Variants in GAS7 observed in about 807,000 individuals in gnomAD.
GAS7 encodes the protein growth arrest-specific protein 7.
In GAS7, 28 loss-of-function variants were observed where a neutral mutation model predicts 71.1. The ratio of observed to expected loss-of-function variants is 0.39; its 90% CI spans 0.29 to 0.54. The LOEUF is 0.54. GAS7 is among the 20% of genes least tolerant of loss of function. The pLI is 0.62. For missense variants in GAS7, 436 were observed against 627.8 expected (o/e 0.69, Z 3.27); for synonymous variants, 258 against 245.8 (o/e 1.05, Z -0.46).
At chr17:10,183,700 G>A (rs57004156) in intron 1 of GAS7, among the ~76,000 whole-genome samples, 9,491 of 152,242 alleles carry the variant, frequency 0.062, 505 homozygotes, top group East Asian at 0.18. Context: ...AAATTAGCCG[G>A]GCGTGGTGGC....
chr17:9,941,875 A>C (rs561134048), intron 7 of GAS7, among the ~76,000 whole-genome samples: 1 of 152,288 alleles, frequency 6.6e-6, no homozygotes, highest in African/African-American at 2.4e-5. Context: ...ATCCGATCTC[A>C]TATGAAAATA....
rs557602988 is a variant in GAS7, at chr17:9,969,877, G to A, written c.386-115C>T. The A allele has an allele frequency of 9.7e-4, 683 of 701,028 alleles. 2 individuals are homozygous for A. The highest frequency in any genetic ancestry group is 5.3e-3 in the Middle Eastern group (16 of 2,994). The allele number at this position is 701,028 out of a possible 1,614,324, so 43.4% of individuals were successfully genotyped here. ...CTTCCTTGGCTCTGAGAGGTCTTGCGTGGCGAAGACCATCCCTCAGGATCT... is the reference window on the plus strand; with the variant it reads ...CTTCCTTGGCTCTGAGAGGTCTTGCATGGCGAAGACCATCCCTCAGGATCT... On this transcript the variant is annotated intron_variant, in intron 3 of 13. Coordinates refer to ENST00000432992, the MANE Select transcript of GAS7 (RefSeq NM_201433.2). The surrounding 1 kb of genome is among the most constrained non-coding windows in gnomAD (Gnocchi z 5.5).
At chr17:9,934,358 G>A (rs1040377373) in intron 8 of GAS7, 114 bp from the exon 9 acceptor site, 5 of 711,148 alleles carry the variant, frequency 7.0e-6, no homozygotes, top group African/African-American at 3.5e-5. Flanking sequence ...GAATGTGGAC[G>A]CGGATGAGGC....
chr17:10,182,013 A>T (rs2074420489), intron 1 of GAS7, among the ~76,000 whole-genome samples: 1 of 152,168 alleles, frequency 6.6e-6, no homozygotes, highest in African/African-American at 2.4e-5. Context: ...AGGGGAAGGA[A>T]CCCTCAGTTC....
intron 3 of GAS7, among the ~76,000 whole-genome samples, chr17:9,977,914 A>C (rs1009102559): frequency 6.6e-6 from 1 of 152,226 alleles, no homozygotes; most frequent in African/African-American, 2.4e-5. Context: ...ACAAAGCTAC[A>C]ACACAAAAGT....
chr17:10,193,260 C>CAAA lies in GAS7; in HGVS notation c.183+4945_183+4947dup, dbSNP rs57261260. Among the ~76,000 whole-genome samples the CAAA allele has an allele frequency of 3.4e-3, 386 of 113,360 alleles. 14 individuals are homozygous for CAAA. Among genetic ancestry groups the CAAA allele is most frequent in the East Asian group, 5.2e-3 (19 of 3,662 alleles). The allele number at this position is 113,360 out of a possible 152,430, so 74.4% of individuals were successfully genotyped here. On this transcript the variant is annotated intron_variant, in intron 1 of 13. Transcript: ENST00000432992. The stretch of plus-strand genomic sequence containing the variant: ...GCCTTTAGAAAGAAACCTCTAGAGT[C>CAAA]AAAAAAAAAAAAAAAAAACCCTCCA...
chr17:10,136,777 T>C (rs2074041800), intron 1 of GAS7, among the ~76,000 whole-genome samples: 1 of 152,058 alleles, frequency 6.6e-6, no homozygotes, highest in Non-Finnish European at 1.5e-5. Context: ...AAAAAAACAG[T>C]GGGAGGGACA....
Position 9,919,505 on chromosome 17 carries a change from A to T in GAS7, c.1218+121T>A. 1 of 778,738 alleles carries T rather than the reference A, an allele frequency of 1.3e-6. No individual in the cohort carries two copies. The highest frequency in any genetic ancestry group is 2.3e-6 in the Non-Finnish European group (1 of 428,806). The allele number at this position is 778,738 out of a possible 1,614,324, so 48.2% of individuals were successfully genotyped here. On this transcript the variant is annotated intron_variant, in intron 12 of 13. Transcript: ENST00000432992. This position sits in a 1 kb window ranked among gnomAD's most constrained non-coding sequence, Gnocchi z 5.0. ...GAGGTTTCGACCCCAACACTGAAGTAGATTTGATGACCATCTCCAGGGTCA... is the reference window on the plus strand; with the variant it reads ...GAGGTTTCGACCCCAACACTGAAGTTGATTTGATGACCATCTCCAGGGTCA...
chr17:9,923,011 C>T (rs1345713654), intron 11 of GAS7, among the ~76,000 whole-genome samples: 2 of 152,164 alleles, frequency 1.3e-5, no homozygotes, highest in East Asian at 3.9e-4. Flanking sequence ...TGGGTTCAAG[C>T]GATTCTCCTG....
chr17:9,923,285 A>T (rs2067884912), intron 11 of GAS7, among the ~76,000 whole-genome samples: 2 of 151,370 alleles, frequency 1.3e-5, no homozygotes, highest in African/African-American at 2.4e-5. Flanking sequence ...CTAGGTGATT[A>T]AAAAAAAAGA....
chr17:9,930,716 T>TCTTTTGGA (rs141427209), intron 9 of GAS7, among the ~76,000 whole-genome samples: 240 of 152,280 alleles, frequency 1.6e-3, no homozygotes, highest in African/African-American at 5.7e-3. Flanking sequence ...TTTCAATAAG[T>TCTTTTGGA]CTTTTGGAGC....
intron 1 of GAS7, among the ~76,000 whole-genome samples, chr17:10,138,375 T>C (rs2074055947): frequency 6.6e-6 from 1 of 152,200 alleles, no homozygotes; most frequent in African/African-American, 2.4e-5. Flanking sequence ...TGCATAACTA[T>C]CGCCATTTTA....
At chr17:10,038,407 T>C (rs1021383204) in intron 1 of GAS7, among the ~76,000 whole-genome samples, 4 of 152,112 alleles carry the variant, frequency 2.6e-5, no homozygotes, top group African/African-American at 9.7e-5. Flanking sequence ...CTAGTAAGGA[T>C]TGAGAACTGT....
intron 2 of GAS7, among the ~76,000 whole-genome samples, chr17:10,005,416 C>T (rs1166633263): frequency 6.6e-6 from 1 of 151,834 alleles, no homozygotes; most frequent in Non-Finnish European, 1.5e-5. Flanking sequence ...TGTAAAATCA[C>T]CAGGCACCCT....
At position 9,926,815 on chromosome 17, in the gene GAS7, T is replaced by C. The variant is rs1299328685; in HGVS notation, c.886-46A>G. On this transcript the variant is annotated intron_variant, in intron 9 of 13. Transcript: ENST00000432992. The surrounding 1 kb of genome is among the most constrained non-coding windows in gnomAD (Gnocchi z 5.0). ...CACACTCAGGACCCAGGGCATCAGC[T>C]GTAAGCCAGTGCAGGGAGGAGGGAT... The C allele has an allele frequency of 1.2e-6, 2 of 1,609,388 alleles. No individual in the cohort carries two copies. The highest frequency in any genetic ancestry group is 8.5e-7 in the Non-Finnish European group (1 of 1,175,928).
Position 10,018,615 on chromosome 17 carries a change from C to T in GAS7, c.304+1162G>A, listed in dbSNP as rs1196725302. On this transcript the variant is annotated intron_variant, in intron 2 of 13. Transcript: ENST00000432992. ...TTCCTAGAAACTTCATTACCTCTTG[C>T]GCTAGAACACCCCTCTTGAGCCTGT... Among the ~76,000 whole-genome samples, 42 of 152,172 alleles carry T rather than the reference C, an allele frequency of 2.8e-4. 1 individual carries two copies. Among genetic ancestry groups the T allele is most frequent in the Admixed American group, 6.6e-5 (1 of 15,266 alleles).
In GAS7 at chr17:10,034,315, C is replaced by CT. The variant is rs35276082; in HGVS notation, c.184-14419dup. 134,132 of 486,668 alleles carry CT rather than the reference C, an allele frequency of 0.28. 8,042 individuals carry two copies. Among genetic ancestry groups the CT allele is most frequent in the African/African-American group, 0.38 (17,371 of 45,516 alleles). 30.1% of individuals were successfully genotyped at this position (486,668 alleles called of 1,614,324 possible). A position where few individuals can be genotyped will look rare whatever the true frequency, so the allele number is the denominator to read the frequency against. ...ATATATAGCCTAATACTTAATAATT[C>CT]TTTTTTTTTTTTTTAGACAGTCTTG... On this transcript the variant is annotated intron_variant, in intron 1 of 13. Transcript: ENST00000432992. The surrounding 1 kb of genome is among the most constrained non-coding windows in gnomAD (Gnocchi z 4.4).
At chr17:9,973,163 G>T (rs16959137) in intron 3 of GAS7, among the ~76,000 whole-genome samples, 1 of 152,128 alleles carries the variant, frequency 6.6e-6, no homozygotes, top group Non-Finnish European at 1.5e-5. Flanking sequence ...AAAAACAGCA[G>T]ATAAGCCAGG....
intron 1 of GAS7, among the ~76,000 whole-genome samples, chr17:10,072,346 C>A (rs1391328795): frequency 6.6e-6 from 1 of 152,200 alleles, no homozygotes; most frequent in Non-Finnish European, 1.5e-5. Flanking sequence ...CCCCTGCTGG[C>A]AGCCCCAGCT....
Sources: allele counts gnomAD v4.1 joint callset (sites outside exome capture counted in the v4.1 genomes callset), GRCh38; gene constraint gnomAD v4.1.1; non-coding constraint Gnocchi (gnomAD v3.1); transcripts MANE v1.5; gene names NCBI Gene and HGNC (gene_info 2026-07-23, HGNC 2026-07-21).